CNTN5: variants seen among roughly 807,000 people sequenced by gnomAD.
CNTN5 encodes contactin 5, also known as contactin-5.
Under a neutral mutation model 129.1 loss-of-function variants are expected in CNTN5, and 77 were observed. The ratio of observed to expected loss-of-function variants is 0.60; its 90% CI spans 0.50 to 0.72. CNTN5 has a LOEUF of 0.72. Among genes scored for constraint, CNTN5 ranks in the 30% least tolerant of loss-of-function variants. The probability of loss-of-function intolerance (pLI) is 0.00; values close to 1 mark genes in which losing one functional copy is unlikely to be tolerated. For synonymous variants in CNTN5, 509 were observed against 465.6 expected (o/e 1.09, Z -1.20); for missense variants, 1,478 against 1,328.8 (o/e 1.11, Z -1.75).
At chr11:99,715,898 C>A (rs189699159) in intron 3 of CNTN5, among the ~76,000 whole-genome samples, 3 of 151,928 alleles carry the variant, frequency 2.0e-5, no homozygotes, top group South Asian at 2.1e-4. Flanking sequence ...CCATTGATTT[C>A]CATATATTAT....
intron 2 of CNTN5, among the ~76,000 whole-genome samples, chr11:99,417,710 CTT>C (rs2031721743): frequency 6.6e-6 from 1 of 152,004 alleles, no homozygotes; most frequent in Admixed American, 6.6e-5. Flanking sequence ...CATTTCCATT[CTT>C]TTGTAAATTC....
chr11:99,469,735 A>C (rs936853622), intron 2 of CNTN5, among the ~76,000 whole-genome samples: 6 of 152,052 alleles, frequency 3.9e-5, no homozygotes, highest in Admixed American at 2.0e-4. Flanking sequence ...AATACTGATA[A>C]ATTTTTAAAT....
chr11:99,358,651 G>T (rs1938884711), intron 2 of CNTN5, among the ~76,000 whole-genome samples: 1 of 152,006 alleles, frequency 6.6e-6, no homozygotes, highest in Admixed American at 6.5e-5. Flanking sequence ...AAACTTAAAG[G>T]ACACTGAAAA....
intron 3 of CNTN5, among the ~76,000 whole-genome samples, chr11:99,814,565 GAGTT>G (rs945049585): frequency 2.0e-5 from 3 of 150,728 alleles, no homozygotes; most frequent in Non-Finnish European, 4.4e-5. Flanking sequence ...GCAGGGGAGA[GAGTT>G]AGCCTGGGAA....
chr11:99,036,003 A>T (rs1264473255), intron 1 of CNTN5, among the ~76,000 whole-genome samples: 1 of 151,790 alleles, frequency 6.6e-6, no homozygotes, highest in Non-Finnish European at 1.5e-5. Context: ...TTGTCTGTAA[A>T]GTATTTTATT....
At position 99,169,380 on chromosome 11, in the gene CNTN5, G is replaced by GTGTA. The variant is rs71969172; in HGVS notation, c.-210+148113_-210+148114insATGT. On this transcript the variant is annotated intron_variant, in intron 1 of 24. Coordinates refer to ENST00000524871, the MANE Select transcript of CNTN5 (RefSeq NM_014361.4). Reference sequence around the variant, plus strand: ...GATATGCAATAAGCTATATGTGTGTGTGTGTGTGTGTGTATTTAGTATAGA... The same window carrying GTGTA: ...GATATGCAATAAGCTATATGTGTGTGTGTATGTGTGTGTGTGTATTTAGTATAGA... 1.1e-4 allele frequency among the ~76,000 whole-genome samples: 17 copies of GTGTA among 151,778 alleles called. No individual in the cohort carries two copies. The East Asian group carries it at 3.3e-3, about 30-fold the overall frequency.
At chr11:99,810,183 A>T (rs1415682217) in intron 3 of CNTN5, among the ~76,000 whole-genome samples, 1 of 152,170 alleles carries the variant, frequency 6.6e-6, no homozygotes, top group African/African-American at 2.4e-5. Context: ...TTAATTTGTA[A>T]CAATGTTCAT....
At chr11:99,035,068 AG>A (rs1176723323) in intron 1 of CNTN5, among the ~76,000 whole-genome samples, 5 of 150,082 alleles carry the variant, frequency 3.3e-5, no homozygotes, top group African/African-American at 4.9e-5. Context: ...GTTTCCATGT[AG>A]TTGAGCGGTT....
At chr11:100,183,960 T>G (rs1948217467) in intron 13 of CNTN5, among the ~76,000 whole-genome samples, 1 of 152,062 alleles carries the variant, frequency 6.6e-6, no homozygotes, top group Non-Finnish European at 1.5e-5. Flanking sequence ...TTCTTCAAGG[T>G]TTTCTTGTCC....
intron 3 of CNTN5, among the ~76,000 whole-genome samples, chr11:99,642,122 C>T (rs976917271): frequency 1.3e-5 from 2 of 152,102 alleles, no homozygotes; most frequent in Admixed American, 1.3e-4. Context: ...GAAAGAGTGC[C>T]AGTCTTGAGT....
intron 23 of CNTN5, among the ~76,000 whole-genome samples, chr11:100,345,771 G>A (rs1219226454): frequency 2.0e-5 from 3 of 152,028 alleles, no homozygotes; most frequent in African/African-American, 7.2e-5. Context: ...TTTTGAGATT[G>A]TCTATGAGAT....
chr11:99,856,199 T>A (rs1016232855), intron 6 of CNTN5, among the ~76,000 whole-genome samples: 2 of 152,186 alleles, frequency 1.3e-5, no homozygotes, highest in Non-Finnish European at 2.9e-5. Context: ...TTCAGTATTT[T>A]GGGCAATTTC....
At chr11:99,123,511 C>A (rs920408479) in intron 1 of CNTN5, among the ~76,000 whole-genome samples, 9 of 151,976 alleles carry the variant, frequency 5.9e-5, no homozygotes, top group African/African-American at 4.8e-5. Flanking sequence ...TTGATAGTTT[C>A]TTTTGCTGTG....
chr11:99,483,626 C>T (rs1452573941), intron 2 of CNTN5, among the ~76,000 whole-genome samples: 1 of 152,070 alleles, frequency 6.6e-6, no homozygotes, highest in Non-Finnish European at 1.5e-5. Context: ...GACAGCGTAG[C>T]AACCACCTGA....
rs201123047 is a variant in CNTN5, at chr11:99,163,343, TC to T, written c.-210+142075del. ...TTTTCTAAGGCCTTAACAAAGCTACTCCTTTTGGTTGAATTAGATACTAGTA... is the reference window on the plus strand; with the variant it reads ...TTTTCTAAGGCCTTAACAAAGCTACTCTTTTGGTTGAATTAGATACTAGTA... On this transcript the variant is annotated intron_variant, in intron 1 of 24. Coordinates refer to ENST00000524871, the MANE Select transcript of CNTN5 (RefSeq NM_014361.4). Among the ~76,000 whole-genome samples the T allele has an allele frequency of 4.7e-3, 722 of 152,204 alleles. 3 individuals carry two copies. The highest frequency in any genetic ancestry group is 5.8e-3 in the Non-Finnish European group (393 of 67,982).
intron 13 of CNTN5, among the ~76,000 whole-genome samples, chr11:100,082,010 A>C (rs1259333223): frequency 1.3e-5 from 2 of 152,194 alleles, no homozygotes; most frequent in Non-Finnish European, 2.9e-5. Flanking sequence ...TTTAAAGCAC[A>C]AACACACATT....
At chr11:99,224,534 T>C (rs923706421) in intron 1 of CNTN5, among the ~76,000 whole-genome samples, 1 of 152,116 alleles carries the variant, frequency 6.6e-6, no homozygotes, top group African/African-American at 2.4e-5. Context: ...ATGAATGCAT[T>C]GAGGTGTAGC....
intron 1 of CNTN5, among the ~76,000 whole-genome samples, chr11:99,308,148 G>A (rs1368759267): frequency 6.6e-6 from 1 of 152,246 alleles, no homozygotes; most frequent in Admixed American, 6.5e-5. Context: ...TGCAGCTTTT[G>A]CTTCCTGTTT....
chr11:99,755,284 T>C (rs1316116677), intron 3 of CNTN5, among the ~76,000 whole-genome samples: 5 of 152,188 alleles, frequency 3.3e-5, no homozygotes, highest in African/African-American at 1.2e-4. Flanking sequence ...TATGTTAACT[T>C]TGTAACAATT....
Sources: gnomAD v4.1 joint callset for allele counts (sites outside exome capture counted in the v4.1 genomes callset) on GRCh38, gnomAD v4.1.1 for gene constraint, MANE v1.5 for transcripts, NCBI Gene and HGNC (gene_info 2026-07-23, HGNC 2026-07-21) for gene names.